The following AFAP1 variants were observed in gnomAD, a reference collection of about 807,000 sequenced individuals.
AFAP1 encodes actin filament associated protein 1.
In AFAP1, 75 loss-of-function variants were observed where a neutral mutation model predicts 93.9. The ratio of observed to expected loss-of-function variants is 0.80; its 90% CI spans 0.66 to 0.97. The LOEUF (loss-of-function observed/expected upper bound fraction) is 0.97. Among genes scored for constraint, AFAP1 ranks in the 50% least tolerant of loss-of-function variants. The pLI is 0.00. For synonymous variants in AFAP1, 517 were observed against 430.7 expected, an observed-to-expected ratio of 1.20 and a Z score of -2.48; for missense variants, 1,201 against 1,050.8, an observed-to-expected ratio of 1.14 and a Z score of -1.98.
intron 2 of AFAP1, among the ~76,000 whole-genome samples, chr4:7,870,185 T>C (rs1191600912): frequency 3.9e-5 from 6 of 152,112 alleles, no homozygotes; most frequent in South Asian, 2.1e-4. Context: ...CCGTGAAAGG[T>C]TGCATGTTTG....
intron 1 of AFAP1, among the ~76,000 whole-genome samples, chr4:7,884,418 G>C (rs540454747): frequency 1.3e-5 from 2 of 152,156 alleles, no homozygotes; most frequent in Non-Finnish European, 2.9e-5. Context: ...AGAATGCAGA[G>C]ATGTCTAAGA....
At position 7,885,134 on chromosome 4, in the gene AFAP1, C is replaced by A. The variant is rs1223676148; in HGVS notation, c.-2-13054G>T. On this transcript the variant is annotated intron_variant, in intron 1 of 17. Coordinates refer to ENST00000420658, the MANE Select transcript of AFAP1 (RefSeq NM_001134647.2). The stretch of plus-strand genomic sequence containing the variant: ...TGACCAACCTGCTTTTCAGAAAAAT[C>A]ACCCTGGTTTGCTACACTCTTCTCA... Among the ~76,000 whole-genome samples, 3 of 152,234 alleles carry A rather than the reference C, an allele frequency of 2.0e-5. No homozygotes were observed. In the South Asian group the frequency reaches 6.2e-4, roughly 32 times the overall value.
intron 6 of AFAP1, among the ~76,000 whole-genome samples, chr4:7,834,128 C>CACACACACACACACACATAT (rs756961714): frequency 4.1e-4 from 49 of 119,486 alleles, no homozygotes; most frequent in African/African-American, 1.6e-3. Flanking sequence ...CACACACACA[C>CACACACACACACACACATAT]ATATATACAA....
At chr4:7,778,165 T>A (rs12645231) in intron 14 of AFAP1, 24,128 of 153,704 alleles carry the variant, frequency 0.16, 2,093 homozygotes, top group African/African-American at 0.21. Context: ...GTGATTCTTT[T>A]CTCATTTCTA....
intron 3 of AFAP1, among the ~76,000 whole-genome samples, chr4:7,862,956 G>A (rs1476994617): frequency 6.6e-6 from 1 of 152,164 alleles, no homozygotes; most frequent in African/African-American, 2.4e-5. Context: ...TAGCAAGCCG[G>A]CTGCTTGCGA....
At chr4:7,870,888 A>G (rs1434000461) in intron 2 of AFAP1, among the ~76,000 whole-genome samples, 1 of 152,216 alleles carries the variant, frequency 6.6e-6, no homozygotes, top group Non-Finnish European at 1.5e-5. Flanking sequence ...ATGTAAAAGT[A>G]TAAATGAACT....
In AFAP1 at chr4:7,763,723, G is replaced by A. The variant is rs1479580195; in HGVS notation, c.*42C>T. 6.4e-7 allele frequency: 1 copy of A among 1,551,228 alleles called. No individual in the cohort carries two copies. The highest frequency in any genetic ancestry group is 1.4e-5 in the African/African-American group (1 of 73,124). On this transcript the variant is annotated 3_prime_UTR_variant, in exon 18 of 18. Transcript: ENST00000420658. ...GTCACACAGATGAGGATACAGGCAA[G>A]GGGGTGTGCAGTCTCTGAGGCTGGA...
chr4:7,827,304 G>A (rs995308523), intron 6 of AFAP1, among the ~76,000 whole-genome samples: 3 of 152,136 alleles, frequency 2.0e-5, no homozygotes, highest in Non-Finnish European at 4.4e-5. Flanking sequence ...GGGCACGGTG[G>A]CTCATGCCTG....
intron 11 of AFAP1, among the ~76,000 whole-genome samples, chr4:7,787,345 T>A (rs13125295): frequency 0.21 from 31,265 of 152,222 alleles, 4,166 homozygotes; most frequent in Non-Finnish European, 0.3. Flanking sequence ...AGTAAACTGG[T>A]AATCCAGTAA....
intron 6 of AFAP1, among the ~76,000 whole-genome samples, chr4:7,822,913 A>G (rs893593351): frequency 6.8e-6 from 1 of 147,174 alleles, no homozygotes; most frequent in Non-Finnish European, 1.5e-5. Flanking sequence ...TTTTTTTTTC[A>G]ACAGGGGAAC....
intron 6 of AFAP1, among the ~76,000 whole-genome samples, chr4:7,837,442 A>G (rs1712442217): frequency 1.3e-5 from 2 of 152,210 alleles, no homozygotes; most frequent in Admixed American, 1.3e-4. Flanking sequence ...GGAAGATGCC[A>G]TCTGTGAACC....
At chr4:7,906,794 G>A (rs1186349936) in intron 1 of AFAP1, among the ~76,000 whole-genome samples, 4 of 152,222 alleles carry the variant, frequency 2.6e-5, no homozygotes, top group Non-Finnish European at 5.9e-5. Flanking sequence ...GCCAAGGCGG[G>A]TGGATCACCT....
rs1319394077 is a variant in AFAP1 at position 7,914,066 on chromosome 4, T to C, written c.-3+25590A>G. Among the ~76,000 whole-genome samples, 3 of 152,074 alleles carry C rather than the reference T, an allele frequency of 2.0e-5. No individual in the cohort carries two copies. In the East Asian group the frequency reaches 5.8e-4, roughly 29 times the overall value. ...ATCTGGAACTATATATTCTTTTTTT[T>C]TTTTTTGAGACAAAGTCACACTCTG... is the stretch of plus-strand genomic sequence containing the variant. On this transcript the variant is annotated intron_variant, in intron 1 of 17. Coordinates refer to ENST00000420658, the MANE Select transcript of AFAP1 (RefSeq NM_001134647.2).
rs563867180 is a variant in AFAP1, at chr4:7,856,431, C to A, written c.226-857G>T. On this transcript the variant is annotated intron_variant, in intron 3 of 17. Transcript: ENST00000420658. ...CTAATTTTTGTATTTTTAGTAGAGA[C>A]AGGGTTTCACCGTTTAGCCAGGATG... Among the ~76,000 whole-genome samples the A allele has an allele frequency of 3.9e-5, 6 of 152,164 alleles. No homozygotes were observed. The East Asian group carries it at 1.2e-3, about 29-fold the overall frequency.
rs540784776 is a variant in AFAP1, at chr4:7,893,474, G to T, written c.-2-21394C>A. On this transcript the variant is annotated intron_variant, in intron 1 of 17. Coordinates refer to ENST00000420658, the MANE Select transcript of AFAP1 (RefSeq NM_001134647.2). ...CGGGCGCCTGTAGTCCCAGCTACTT[G>T]GGAGGCTGAGGCAGGAGAATGGCGT... is the stretch of plus-strand genomic sequence containing the variant. Among the ~76,000 whole-genome samples the T allele has an allele frequency of 1.7e-3, 256 of 151,808 alleles. 1 individual carries two copies. The highest frequency in any genetic ancestry group is 3.2e-3 in the Non-Finnish European group (217 of 67,950).
At chr4:7,817,576 G>A (rs1720591143) in intron 7 of AFAP1, among the ~76,000 whole-genome samples, 1 of 151,806 alleles carries the variant, frequency 6.6e-6, no homozygotes, top group South Asian at 2.1e-4. Context: ...GGGCAACAAG[G>A]GCAAAACTCC....
chr4:7,930,656 T>C (rs2149244729), intron 1 of AFAP1, among the ~76,000 whole-genome samples: 1 of 152,348 alleles, frequency 6.6e-6, no homozygotes, highest in African/African-American at 2.4e-5. Flanking sequence ...TAACCAATGA[T>C]GTTCCTATCA....
intron 17 of AFAP1, among the ~76,000 whole-genome samples, chr4:7,764,571 T>A (rs1054440416): frequency 1.3e-5 from 2 of 152,362 alleles, no homozygotes; most frequent in African/African-American, 2.4e-5. Context: ...GTGTTTATTT[T>A]ACTCTAATAG....
intron 17 of AFAP1, among the ~76,000 whole-genome samples, chr4:7,765,747 C>T (rs1714463779): frequency 6.6e-6 from 1 of 152,208 alleles, no homozygotes; most frequent in Non-Finnish European, 1.5e-5. Flanking sequence ...GGCACAGACG[C>T]CAGGGCCAGA....
Sources: allele counts gnomAD v4.1 joint callset (sites outside exome capture counted in the v4.1 genomes callset), GRCh38; gene constraint gnomAD v4.1.1; transcripts MANE v1.5; gene names NCBI Gene and HGNC (gene_info 2026-07-23, HGNC 2026-07-21).